Variants in EFNA5 observed in about 807,000 individuals in gnomAD.
EFNA5 encodes the protein ephrin A5.
A neutral mutation model predicts 22.9 loss-of-function variants in EFNA5; 5 were observed. The ratio of observed to expected loss-of-function variants is 0.22; its 90% CI spans 0.11 to 0.46. EFNA5 has a LOEUF of 0.46. EFNA5 is among the 20% of genes least tolerant of loss of function. The probability of loss-of-function intolerance (pLI) is 0.99; values close to 1 mark genes in which losing one functional copy is unlikely to be tolerated. For synonymous variants in EFNA5, 113 were observed against 112.2 expected (o/e 1.01, Z -0.04); for missense variants, 237 against 293.3 (o/e 0.81, Z 1.40).
intron 1 of EFNA5, among the ~76,000 whole-genome samples, chr5:107,445,122 A>T (rs1037153689): frequency 6.6e-6 from 1 of 152,094 alleles, no homozygotes; most frequent in African/African-American, 2.4e-5. Flanking sequence ...TCCTGAGTTC[A>T]AGTGATTTTT....
At chr5:107,440,719 A>C (rs1464240397) in intron 1 of EFNA5, among the ~76,000 whole-genome samples, 3 of 152,152 alleles carry the variant, frequency 2.0e-5, no homozygotes, top group Admixed American at 1.3e-4. Flanking sequence ...GGCAGACAGA[A>C]AGAGAGAATG....
intron 1 of EFNA5, among the ~76,000 whole-genome samples, chr5:107,651,853 CTGTTA>C (rs1363435900): frequency 2.0e-5 from 3 of 152,120 alleles, no homozygotes; most frequent in East Asian, 3.8e-4. Context: ...TACCAGTATT[CTGTTA>C]TATTTACAAA....
At chr5:107,475,692 A>G (rs1750266416) in intron 1 of EFNA5, among the ~76,000 whole-genome samples, 1 of 152,100 alleles carries the variant, frequency 6.6e-6, no homozygotes. Flanking sequence ...CTTACCCTGC[A>G]TAAGACTTAT....
chr5:107,622,947 G>A (rs1387847786), intron 1 of EFNA5, among the ~76,000 whole-genome samples: 1 of 147,208 alleles, frequency 6.8e-6, no homozygotes, highest in Non-Finnish European at 1.5e-5. Context: ...CGTGAACCCG[G>A]GAAGCGGAGC....
At chr5:107,420,522 T>TAAAAAAAAAAAAAAAAAAAAAAA (rs368304882) in intron 2 of EFNA5, among the ~76,000 whole-genome samples, 1 of 109,068 alleles carries the variant, frequency 9.2e-6, no homozygotes, top group African/African-American at 3.8e-5. Context: ...TCTGTGCTTT[T>TAAAAAAAAAAAAAAAAAAAAAAA]AAAAAAAAAA....
At chr5:107,586,616 C>A (rs930810348) in intron 1 of EFNA5, among the ~76,000 whole-genome samples, 2 of 152,078 alleles carry the variant, frequency 1.3e-5, no homozygotes, top group Non-Finnish European at 2.9e-5. Flanking sequence ...TCTATTAATG[C>A]GTACATTTAA....
intron 1 of EFNA5, among the ~76,000 whole-genome samples, chr5:107,579,824 T>A (rs1015353368): frequency 2.6e-5 from 4 of 152,234 alleles, no homozygotes; most frequent in African/African-American, 9.6e-5. Context: ...GACCTTTGCA[T>A]CCTTCAGAGA....
chr5:107,435,480 CT>C (rs757376295), intron 1 of EFNA5, among the ~76,000 whole-genome samples: 10 of 152,106 alleles, frequency 6.6e-5, no homozygotes, highest in Non-Finnish European at 1.3e-4. Context: ...TGAAACATGT[CT>C]ATCTTTCAGA....
intron 1 of EFNA5, among the ~76,000 whole-genome samples, chr5:107,604,579 C>T (rs1307196935): frequency 2.0e-5 from 3 of 152,006 alleles, no homozygotes; most frequent in Admixed American, 1.3e-4. Context: ...GGAATGGAGA[C>T]ATGAGTAACA....
chr5:107,440,999 TA>T (rs904265965), intron 1 of EFNA5, among the ~76,000 whole-genome samples: 14 of 144,744 alleles, frequency 9.7e-5, no homozygotes, highest in East Asian at 2.0e-4. Context: ...TTTTGCATGC[TA>T]AAAAAAAAAC....
At chr5:107,494,399 C>T (rs1403409072) in intron 1 of EFNA5, among the ~76,000 whole-genome samples, 1 of 152,220 alleles carries the variant, frequency 6.6e-6, no homozygotes, top group East Asian at 1.9e-4. Context: ...CCAGCGGCTG[C>T]GGAGGGTGTA....
At chr5:107,476,057 T>TATATATATATATATATATATGTATATA in intron 1 of EFNA5, among the ~76,000 whole-genome samples, 5 of 100,424 alleles carry the variant, frequency 5.0e-5, no homozygotes, top group Non-Finnish European at 9.3e-5. Flanking sequence ...TATATATATA[T>TATATATATATATATATATATGTATATA]TTTTTTTTTT....
At chr5:107,573,005 T>C (rs939003032) in intron 1 of EFNA5, among the ~76,000 whole-genome samples, 1 of 152,196 alleles carries the variant, frequency 6.6e-6, no homozygotes, top group Admixed American at 6.5e-5. Context: ...TGCCAAGACG[T>C]TCAGCTAGGC....
At chr5:107,392,177 G>C (rs1747807996) in intron 2 of EFNA5, among the ~76,000 whole-genome samples, 1 of 152,152 alleles carries the variant, frequency 6.6e-6, no homozygotes, top group Non-Finnish European at 1.5e-5. Flanking sequence ...GGCAGCTTCT[G>C]ACATGGGTCC....
chr5:107,442,983 G>T (rs1303128503), intron 1 of EFNA5, among the ~76,000 whole-genome samples: 1 of 132,548 alleles, frequency 7.5e-6, no homozygotes, highest in Non-Finnish European at 1.6e-5. Flanking sequence ...GTCTTAAAAA[G>T]TACCTACCTC....
chr5:107,477,922 A>G lies in EFNA5; in HGVS notation c.126-50413T>C, dbSNP rs533484855. Reference sequence around the variant, plus strand: ...TTGAAACTCACTTTAACAAGCTATCAATCAGAGGCTGATATTTAGAGGTAG... The same window carrying G: ...TTGAAACTCACTTTAACAAGCTATCGATCAGAGGCTGATATTTAGAGGTAG... On this transcript the variant is annotated intron_variant, in intron 1 of 4. Transcript: ENST00000333274. Among the ~76,000 whole-genome samples, 228 of 152,296 alleles carry G rather than the reference A, an allele frequency of 1.5e-3. 1 individual carries two copies. Among genetic ancestry groups the G allele is most frequent in the Admixed American group, 2.9e-3 (44 of 15,284 alleles).
chr5:107,635,396 C>T (rs999191439), intron 1 of EFNA5, among the ~76,000 whole-genome samples: 37 of 152,296 alleles, frequency 2.4e-4, no homozygotes, highest in African/African-American at 8.4e-4. Flanking sequence ...CAAACCACCA[C>T]GAATGAAGGA....
At chr5:107,480,965 T>C (rs774171135) in intron 1 of EFNA5, among the ~76,000 whole-genome samples, 2 of 152,120 alleles carry the variant, frequency 1.3e-5, no homozygotes, top group African/African-American at 2.4e-5. Context: ...ACAAGAGAAA[T>C]AGATGTGGTC....
At chr5:107,540,762 A>G (rs1271697246) in intron 1 of EFNA5, among the ~76,000 whole-genome samples, 1 of 152,242 alleles carries the variant, frequency 6.6e-6, no homozygotes, top group Non-Finnish European at 1.5e-5. Context: ...AATTCTGGGA[A>G]TCTACCCTAA....
Sources: gnomAD v4.1 joint callset for allele counts (sites outside exome capture counted in the v4.1 genomes callset) on GRCh38, gnomAD v4.1.1 for gene constraint, MANE v1.5 for transcripts, NCBI Gene and HGNC (gene_info 2026-07-23, HGNC 2026-07-21) for gene names.